The following ITPR2 variants were observed in gnomAD, a reference collection of about 807,000 sequenced individuals.
The protein encoded by ITPR2 is inositol 1,4,5-trisphosphate-gated calcium channel ITPR2.
ITPR2 carries 207 observed loss-of-function variants against 317.1 expected under a neutral mutation model. The observed-to-expected ratio is 0.65, with a 90% CI of 0.58 to 0.73. The LOEUF is 0.73. ITPR2 is among the 30% of genes least tolerant of loss of function. ITPR2 has a pLI of 0.00. For missense variants in ITPR2, 2,613 were observed against 3,284.0 expected, an observed-to-expected ratio of 0.80 and a Z score of 4.99; for synonymous variants, 1,156 against 1,149.1, an observed-to-expected ratio of 1.01 and a Z score of -0.12.
At chr12:26,699,861 A>G (rs1948414485) in intron 9 of ITPR2, among the ~76,000 whole-genome samples, 1 of 152,206 alleles carries the variant, frequency 6.6e-6, no homozygotes, top group Admixed American at 6.5e-5. Flanking sequence ...TTTTTAAAGA[A>G]GGAGGAAAAA....
chr12:26,762,524 A>G (rs7978980), intron 2 of ITPR2, among the ~76,000 whole-genome samples: 63,190 of 151,984 alleles, frequency 0.42, 14,287 homozygotes, highest in Non-Finnish European at 0.53. Flanking sequence ...AATAAAAGCT[A>G]GGGGAGTTTA....
intron 49 of ITPR2, among the ~76,000 whole-genome samples, 200 bp downstream of exon 49, chr12:26,427,713 A>G (rs539505698): frequency 2.6e-5 from 4 of 152,188 alleles, no homozygotes; most frequent in Non-Finnish European, 4.4e-5. Flanking sequence ...CTTCTTAAAT[A>G]TAGCAATCTT....
Position 26,494,033 on chromosome 12 carries a change from T to C in ITPR2, c.5370+120A>G, listed in dbSNP as rs1211472408. 6.1e-6 allele frequency: 4 copies of C among 653,768 alleles called. 1 individual carries two copies. Among genetic ancestry groups the C allele is most frequent in the African/African-American group, 4.2e-5 (2 of 47,858 alleles). 40.5% of individuals were successfully genotyped at this position (653,768 alleles called of 1,614,324 possible). A position where few individuals can be genotyped will look rare whatever the true frequency, so the allele number is the denominator to read the frequency against. The stretch of plus-strand genomic sequence containing the variant: ...TTAAGAAAAGTGTGATACATGGATT[T>C]TTTTTTTTTTAGATAGTAATAAGAG... On this transcript the variant is annotated intron_variant, in intron 39 of 56. Coordinates refer to ENST00000381340, the MANE Select transcript of ITPR2 (RefSeq NM_002223.4).
chr12:26,713,864 C>T (rs1948693423), intron 8 of ITPR2, among the ~76,000 whole-genome samples: 1 of 151,930 alleles, frequency 6.6e-6, no homozygotes, highest in African/African-American at 2.4e-5. Context: ...TTTAGGATTG[C>T]CTGTTATTTT....
intron 34 of ITPR2, among the ~76,000 whole-genome samples, chr12:26,571,520 A>G (rs1415427082): frequency 6.6e-6 from 1 of 152,200 alleles, no homozygotes; most frequent in Non-Finnish European, 1.5e-5. Context: ...GTATAGCTTA[A>G]ATTACCACCT....
At chr12:26,371,748 G>A (rs1433272683) in intron 55 of ITPR2, among the ~76,000 whole-genome samples, 4 of 152,240 alleles carry the variant, frequency 2.6e-5, no homozygotes, top group African/African-American at 9.6e-5. Context: ...TTTATGGATT[G>A]TCACTCTTGG....
chr12:26,408,995 G>C (rs1433371138), intron 52 of ITPR2, among the ~76,000 whole-genome samples: 1 of 152,024 alleles, frequency 6.6e-6, no homozygotes, highest in Non-Finnish European at 1.5e-5. Flanking sequence ...GAGATCCCAG[G>C]AGTCATTTAA....
intron 37 of ITPR2, among the ~76,000 whole-genome samples, chr12:26,518,358 G>A (rs1943581120): frequency 6.6e-6 from 1 of 152,102 alleles, no homozygotes; most frequent in South Asian, 2.1e-4. Context: ...ACAGACACCA[G>A]GTCCTACTTG....
chr12:26,567,960 A>ATAT (rs375075036), intron 34 of ITPR2, among the ~76,000 whole-genome samples: 303 of 9,718 alleles, frequency 0.031, 19 homozygotes, highest in Non-Finnish European at 0.073. Context: ...TTATATATAT[A>ATAT]TATATATATT....
chr12:26,492,957 G>A (rs1942846199), intron 39 of ITPR2, among the ~76,000 whole-genome samples: 1 of 150,318 alleles, frequency 6.7e-6, no homozygotes, highest in South Asian at 2.1e-4. Context: ...GCATCAGATT[G>A]TACCCCATAA....
chr12:26,507,600 T>C (rs1943221253), intron 37 of ITPR2, among the ~76,000 whole-genome samples: 1 of 152,192 alleles, frequency 6.6e-6, no homozygotes, highest in South Asian at 2.1e-4. Flanking sequence ...AGCCTCTGAA[T>C]TATAAATGTG....
Position 26,692,649 on chromosome 12 carries a change from T to C in ITPR2, c.996+2957A>G, listed in dbSNP as rs76380738. 9.4e-3 allele frequency among the ~76,000 whole-genome samples: 1,436 copies of C among 152,286 alleles called. 22 individuals are homozygous for C. The highest frequency in any genetic ancestry group is 0.032 in the African/African-American group (1,336 of 41,542). On this transcript the variant is annotated intron_variant, in intron 10 of 56. Coordinates refer to ENST00000381340, the MANE Select transcript of ITPR2 (RefSeq NM_002223.4). ...TGTACATTTGTAATATTGGAAATAA[T>C]AGACTCCTTTGTAGAATAAATACAG...
intron 55 of ITPR2, among the ~76,000 whole-genome samples, chr12:26,363,798 A>G (rs370055265): frequency 1.3e-4 from 20 of 152,324 alleles, no homozygotes; most frequent in African/African-American, 3.6e-4. Context: ...AAATTGCACT[A>G]AGTATGGAGA....
chr12:26,435,271 TC>T (rs1416025650), intron 48 of ITPR2, among the ~76,000 whole-genome samples: 1 of 152,152 alleles, frequency 6.6e-6, no homozygotes, highest in African/African-American at 2.4e-5. Context: ...CCACTACGCT[TC>T]CTTATGTAGT....
chr12:26,614,428 A>C (rs1250001208), intron 26 of ITPR2, among the ~76,000 whole-genome samples: 2 of 152,188 alleles, frequency 1.3e-5, no homozygotes, highest in Admixed American at 1.3e-4. Context: ...CAACAGGCAA[A>C]GGCAATCACA....
chr12:26,533,017 A>G (rs1943986707), intron 37 of ITPR2, among the ~76,000 whole-genome samples: 1 of 152,134 alleles, frequency 6.6e-6, no homozygotes, highest in African/African-American at 2.4e-5. Flanking sequence ...TTTGTAGCAA[A>G]TAGAAAACCC....
At chr12:26,749,553 T>G (rs1318176469) in intron 2 of ITPR2, among the ~76,000 whole-genome samples, 1 of 152,154 alleles carries the variant, frequency 6.6e-6, no homozygotes, top group Non-Finnish European at 1.5e-5. Context: ...GTTGTAAAAT[T>G]TCAGGGTGAT....
At chr12:26,704,531 T>A (rs1351693729) in intron 9 of ITPR2, among the ~76,000 whole-genome samples, 2 of 152,198 alleles carry the variant, frequency 1.3e-5, no homozygotes, top group East Asian at 3.8e-4. Flanking sequence ...CAGATAAACA[T>A]ATTAAATAAC....
intron 2 of ITPR2, among the ~76,000 whole-genome samples, chr12:26,745,673 TCAGAGAGA>T (rs1424114816): frequency 1.3e-5 from 2 of 152,170 alleles, no homozygotes; most frequent in Admixed American, 6.5e-5. Flanking sequence ...ATACTTGGTT[TCAGAGAGA>T]CAGAGAGACA....
Sources: allele counts gnomAD v4.1 joint callset (sites outside exome capture counted in the v4.1 genomes callset), GRCh38; gene constraint gnomAD v4.1.1; transcripts MANE v1.5; gene names NCBI Gene and HGNC (gene_info 2026-07-23, HGNC 2026-07-21).